HSDL2: variants seen among roughly 807,000 people sequenced by gnomAD.
The protein encoded by HSDL2 is hydroxysteroid dehydrogenase-like protein 2.
In HSDL2, 27 loss-of-function variants were observed where a neutral mutation model predicts 46.3. That is an observed-to-expected ratio of 0.58 (90% CI 0.43 to 0.80). HSDL2 has a LOEUF of 0.80. Ranked by LOEUF, HSDL2 falls within the 30% of genes least tolerant of loss-of-function variation. The probability of loss-of-function intolerance (pLI) is 0.00; values close to 1 mark genes in which losing one functional copy is unlikely to be tolerated. For missense variants in HSDL2, 451 were observed against 502.7 expected (o/e 0.90, Z 0.98); for synonymous variants, 153 against 163.6 (o/e 0.94, Z 0.50).
intron 10 of HSDL2, among the ~76,000 whole-genome samples, chr9:112,462,635 TGTGTG>T (rs1833246905): frequency 6.7e-6 from 1 of 149,890 alleles, no homozygotes; most frequent in African/African-American, 2.5e-5. Context: ...TGTGTGTGTG[TGTGTG>T]TATAAAACAT....
At chr9:112,404,877 T>C (rs746172538) in intron 2 of HSDL2, among the ~76,000 whole-genome samples, 5 of 151,652 alleles carry the variant, frequency 3.3e-5, no homozygotes, top group Admixed American at 6.6e-5. Context: ...ATGAGTGAAA[T>C]GATGTCAGGG....
At chr9:112,390,163 G>A (rs1831310160) in intron 1 of HSDL2, among the ~76,000 whole-genome samples, 1 of 151,910 alleles carries the variant, frequency 6.6e-6, no homozygotes. Flanking sequence ...AGAAACTCTT[G>A]AAGAAGAATA....
At chr9:112,454,312 C>A in intron 9 of HSDL2, 150 bp downstream of exon 9, 1 of 599,786 alleles carries the variant, frequency 1.7e-6, no homozygotes. Flanking sequence ...GAACAGCAAC[C>A]ATAACTATTG....
chr9:112,453,171 T>A (rs893258223), intron 8 of HSDL2, among the ~76,000 whole-genome samples: 1 of 152,150 alleles, frequency 6.6e-6, no homozygotes, highest in Non-Finnish European at 1.5e-5. Flanking sequence ...ACTAGGTGAA[T>A]AGATTGAATT....
chr9:112,382,366 C>A (rs1444160749), intron 1 of HSDL2, among the ~76,000 whole-genome samples: 1 of 152,224 alleles, frequency 6.6e-6, no homozygotes, highest in African/African-American at 2.4e-5. Context: ...ATCCTCTAAT[C>A]CCACTTGTTG....
Position 112,459,370 on chromosome 9 carries a change from T to C in HSDL2, c.1016-79T>C, listed in dbSNP as rs146113454. ...CTTGGAAAACAGCATTTTGTAAGAT[T>C]ATTCTAATTGAAGTAATTATTAAAT... On this transcript the variant is annotated intron_variant, in intron 9 of 10. Transcript: ENST00000398805. 166 of 1,463,134 alleles carry C rather than the reference T, an allele frequency of 1.1e-4. No homozygotes were observed. In the African/African-American group the frequency reaches 2.1e-3, roughly 18 times the overall value. 90.6% of individuals were successfully genotyped at this position (1,463,134 alleles called of 1,614,324 possible).
intron 1 of HSDL2, among the ~76,000 whole-genome samples, chr9:112,385,372 AGGAT>A (rs1831194333): frequency 6.6e-6 from 1 of 152,124 alleles, no homozygotes; most frequent in Non-Finnish European, 1.5e-5. Flanking sequence ...TCTGTCGCCC[AGGAT>A]GGAGTGCAGT....
chr9:112,450,795 A>G (rs1832868344), intron 8 of HSDL2, among the ~76,000 whole-genome samples: 1 of 152,054 alleles, frequency 6.6e-6, no homozygotes, highest in Non-Finnish European at 1.5e-5. Context: ...GTAGGTTCAT[A>G]TTGTTTTTTA....
Position 112,429,927 on chromosome 9 carries a change from A to G in HSDL2, c.599-8504A>G, listed in dbSNP as rs115772575. Among the ~76,000 whole-genome samples the G allele has an allele frequency of 7.5e-3, 1,134 of 152,162 alleles. 17 individuals are homozygous for G. The highest frequency in any genetic ancestry group is 0.026 in the African/African-American group (1,071 of 41,504). On this transcript the variant is annotated intron_variant, in intron 6 of 10. Coordinates refer to ENST00000398805, the MANE Select transcript of HSDL2 (RefSeq NM_032303.5). ...AGCAACATGGCAGAACTCCATATCT[A>G]CAAAAAGTAGCAGGGTGTGGTGGTG...
intron 1 of HSDL2, among the ~76,000 whole-genome samples, chr9:112,387,167 A>G (rs1023739457): frequency 5.3e-5 from 8 of 152,156 alleles, no homozygotes; most frequent in Non-Finnish European, 2.9e-5. Context: ...TTAGAAAAGT[A>G]AATACTGAAG....
intron 6 of HSDL2, among the ~76,000 whole-genome samples, chr9:112,435,853 C>G (rs1832512473): frequency 1.3e-5 from 2 of 152,020 alleles, no homozygotes; most frequent in Admixed American, 6.6e-5. Context: ...CTGCCTCAGC[C>G]TCCAGAATAT....
chr9:112,425,159 T>C (rs1267927898), intron 6 of HSDL2, among the ~76,000 whole-genome samples: 1 of 152,188 alleles, frequency 6.6e-6, no homozygotes, highest in Non-Finnish European at 1.5e-5. Context: ...TTTTTAACTT[T>C]AGTTCTTGCA....
chr9:112,457,907 C>A (rs571767756), intron 9 of HSDL2, among the ~76,000 whole-genome samples: 1 of 152,292 alleles, frequency 6.6e-6, no homozygotes, highest in South Asian at 2.1e-4. Context: ...CCTTACTAGC[C>A]CTCTGCATCC....
rs771180430 is a variant in HSDL2, at chr9:112,416,870, A to C, written c.425A>C (p.Lys142Thr). Residue 142 changes from lysine to threonine, a missense_variant, in exon 5 of 11, where the codon AAG becomes ACG. Physicochemically the swap from Lys to Thr is moderately conservative, Grantham distance 78 (BLOSUM62 -1). Coordinates refer to ENST00000398805, the MANE Select transcript of HSDL2 (RefSeq NM_032303.5). ...ASKACIPYLK[K>T]SKVAHILNIS... Reference sequence around the variant, plus strand: ...AAAGCATGTATTCCTTATTTGAAAAAGAGCAAAGTTGCTCATATCCTCAAT... The same window carrying C: ...AAAGCATGTATTCCTTATTTGAAAACGAGCAAAGTTGCTCATATCCTCAAT... 5 of 1,598,580 alleles carry C rather than the reference A, an allele frequency of 3.1e-6. No individual in the cohort carries two copies. The Admixed American group carries it at 8.4e-5, about 27-fold the overall frequency.
intron 10 of HSDL2, among the ~76,000 whole-genome samples, chr9:112,463,343 A>G (rs1833271871): frequency 6.6e-6 from 1 of 151,920 alleles, no homozygotes; most frequent in Admixed American, 6.6e-5. Context: ...TCTGGGCTAA[A>G]GCAATCCTCC....
At chr9:112,380,263 T>G in intron 1 of HSDL2, 83 bp downstream of exon 1, 6 of 1,381,478 alleles carry the variant, frequency 4.3e-6, no homozygotes, top group Non-Finnish European at 5.9e-6. Context: ...TCGCCCGGGC[T>G]GGCCGGCCCG....
At chr9:112,447,132 T>G (rs1832774765) in intron 8 of HSDL2, among the ~76,000 whole-genome samples, 1 of 152,202 alleles carries the variant, frequency 6.6e-6, no homozygotes, top group Non-Finnish European at 1.5e-5. Flanking sequence ...TGCATTTTTA[T>G]ATTTATTCAG....
intron 9 of HSDL2, among the ~76,000 whole-genome samples, chr9:112,454,768 G>A (rs775468063): frequency 6.6e-6 from 1 of 151,304 alleles, no homozygotes; most frequent in Non-Finnish European, 1.5e-5. Flanking sequence ...TGCAGTGGTG[G>A]GATCTGGGCT....
intron 8 of HSDL2, among the ~76,000 whole-genome samples, chr9:112,446,528 G>T (rs1407502983): frequency 6.6e-6 from 1 of 152,200 alleles, no homozygotes; most frequent in East Asian, 1.9e-4. Context: ...GTACTTGGGA[G>T]GCTGAGGCGG....
Sources: allele counts gnomAD v4.1 joint callset (sites outside exome capture counted in the v4.1 genomes callset), GRCh38; gene constraint gnomAD v4.1.1; transcripts MANE v1.5; gene names NCBI Gene and HGNC (gene_info 2026-07-23, HGNC 2026-07-21).